ITSN1: variants seen among roughly 807,000 people sequenced by gnomAD.
ITSN1 encodes intersectin 1.
Under a neutral mutation model 239.8 loss-of-function variants are expected in ITSN1, and 58 were observed. The ratio of observed to expected loss-of-function variants is 0.24; its 90% CI spans 0.20 to 0.30. The LOEUF is 0.30. Among genes scored for constraint, ITSN1 ranks in the 10% least tolerant of loss-of-function variants. ITSN1 has a pLI of 1.00. For synonymous variants in ITSN1, 780 were observed against 770.8 expected (o/e 1.01, Z -0.20); for missense variants, 1,558 against 2,103.3 (o/e 0.74, Z 5.07).
intron 2 of ITSN1, among the ~76,000 whole-genome samples, chr21:33,720,810 T>G (rs552873346): frequency 6.6e-6 from 1 of 152,360 alleles, no homozygotes; most frequent in East Asian, 1.9e-4. Context: ...CTGTGGCATT[T>G]AAGGCACTTG....
rs190467279 is a variant in ITSN1, at chr21:33,778,830, G to A, written c.1597-2631G>A. Among the ~76,000 whole-genome samples, 248 of 140,832 alleles carry A rather than the reference G, an allele frequency of 1.8e-3. 7 individuals are homozygous for A. The East Asian group carries it at 0.036, about 21-fold the overall frequency. The allele number at this position is 140,832 out of a possible 152,430, so 92.4% of individuals were successfully genotyped here. ...CCTGACCTCGTGATCCGCCCGCCTC[G>A]GCCTCCCAAAGTGCTGGGATTACAG... On this transcript the variant is annotated intron_variant, in intron 14 of 39. Transcript: ENST00000381318.
intron 6 of ITSN1, among the ~76,000 whole-genome samples, chr21:33,750,776 G>A (rs911601961): frequency 4.6e-5 from 7 of 152,064 alleles, no homozygotes; most frequent in Admixed American, 2.6e-4. Flanking sequence ...ACTATTTTAT[G>A]GTATTACATG....
chr21:33,730,050 A>G (rs1017781985), intron 4 of ITSN1, among the ~76,000 whole-genome samples: 7 of 152,010 alleles, frequency 4.6e-5, no homozygotes, highest in African/African-American at 1.7e-4. Flanking sequence ...TCTTACGTGG[A>G]TATGTTAGTT....
At chr21:33,769,517 C>A (rs997909026) in intron 11 of ITSN1, among the ~76,000 whole-genome samples, 3 of 152,162 alleles carry the variant, frequency 2.0e-5, no homozygotes, top group Non-Finnish European at 4.4e-5. Context: ...TTTTATCTCT[C>A]ACCGTTCTGG....
In ITSN1 at chr21:33,712,500, A is replaced by G. The variant is rs140833782; in HGVS notation, c.-32-6297A>G. Among the ~76,000 whole-genome samples the G allele has an allele frequency of 2.3e-3, 352 of 152,296 alleles. 1 individual carries two copies. Among genetic ancestry groups the G allele is most frequent in the African/African-American group, 8.2e-3 (341 of 41,564 alleles). ...ATATCTCAGGTGTGAGCCTAAGACA[A>G]GCGGGAGTTAATTCACACAATGGCA... On this transcript the variant is annotated intron_variant, in intron 1 of 39. Coordinates refer to ENST00000381318, the MANE Select transcript of ITSN1 (RefSeq NM_003024.3).
chr21:33,668,309 C>T (rs887340641), intron 1 of ITSN1, among the ~76,000 whole-genome samples: 1 of 152,202 alleles, frequency 6.6e-6, no homozygotes, highest in Non-Finnish European at 1.5e-5. Flanking sequence ...AATTTGTCAA[C>T]CTCCCTAAGA....
intron 7 of ITSN1, among the ~76,000 whole-genome samples, chr21:33,753,741 G>C (rs1255661036): frequency 7.6e-6 from 1 of 130,930 alleles, no homozygotes; most frequent in African/African-American, 3.0e-5. Flanking sequence ...CAGCCTGGGT[G>C]ACACGGCAAG....
At chr21:33,670,288 G>A (rs761628922) in intron 1 of ITSN1, among the ~76,000 whole-genome samples, 39 of 152,132 alleles carry the variant, frequency 2.6e-4, no homozygotes, top group Non-Finnish European at 4.4e-4. Flanking sequence ...CCAGGAGTTG[G>A]AGGCTGGATT....
intron 1 of ITSN1, among the ~76,000 whole-genome samples, chr21:33,704,417 C>T (rs2092155392): frequency 6.6e-6 from 1 of 152,186 alleles, no homozygotes; most frequent in South Asian, 2.1e-4. Context: ...AGGCTAACTA[C>T]TTTGTGCCTC....
chr21:33,848,320 G>A (rs2075047291), intron 29 of ITSN1, among the ~76,000 whole-genome samples: 2 of 152,252 alleles, frequency 1.3e-5, no homozygotes, highest in South Asian at 2.1e-4. Context: ...CTGGAGATGT[G>A]CATGCACAGA....
rs1408030128 is a variant in ITSN1, at chr21:33,772,073, A to G, written c.1055A>G (p.Asp352Gly). The change falls in exon 12 of 40, where the codon GAT becomes GGT. Residue 352 changes from aspartate to glycine, a missense_variant. By Grantham distance (94) the Asp-to-Gly change is moderately conservative (BLOSUM62 -1). This residue lies in a region of ITSN1 where 982 missense variants were observed against 1,209.9 expected (regional missense o/e 0.81). Transcript: ENST00000381318. ...LEKKLPVTFE[D>G]KKRENFERGN... ...TCCTTGTCTGAAGTAACGTTTGAAG[A>G]TAAGAAGCGGGAGAACTTTGAACGT... 1.2e-6 allele frequency: 2 copies of G among 1,614,072 alleles called. No homozygotes were observed. The highest frequency in any genetic ancestry group is 1.7e-6 in the Non-Finnish European group (2 of 1,180,032).
intron 1 of ITSN1, among the ~76,000 whole-genome samples, chr21:33,711,709 TAGTA>T (rs971075427): frequency 6.6e-6 from 1 of 151,002 alleles, no homozygotes; most frequent in Non-Finnish European, 1.5e-5. Context: ...TTGCTCCAGG[TAGTA>T]AATATATTTA....
rs914648019 is a variant in ITSN1, at chr21:33,889,984, T to C, written c.*1684T>C. The C allele has an allele frequency of 1.3e-5, 2 of 152,240 alleles. No individual in the cohort carries two copies. The highest frequency in any genetic ancestry group is 4.8e-5 in the African/African-American group (2 of 41,460). The allele number at this position is 152,240 out of a possible 1,614,324, so 9.4% of individuals were successfully genotyped here. A position where few individuals can be genotyped will look rare whatever the true frequency, so the allele number is the denominator to read the frequency against. On this transcript the variant is annotated 3_prime_UTR_variant, in exon 40 of 40. Transcript: ENST00000381318. Reference sequence around the variant, plus strand: ...AATTTTGTATCAAGAACAACAGACATAAGTATTTTTTGAAACAAGCAAATA... The same window carrying C: ...AATTTTGTATCAAGAACAACAGACACAAGTATTTTTTGAAACAAGCAAATA...
At chr21:33,657,702 T>A (rs1211068688) in intron 1 of ITSN1, among the ~76,000 whole-genome samples, 1 of 152,178 alleles carries the variant, frequency 6.6e-6, no homozygotes, top group Non-Finnish European at 1.5e-5. Context: ...AATCCACATA[T>A]AAGCAGGGCT....
At chr21:33,711,007 G>A (rs542971543) in intron 1 of ITSN1, among the ~76,000 whole-genome samples, 1 of 151,580 alleles carries the variant, frequency 6.6e-6, no homozygotes. Flanking sequence ...TGGCCAGGAT[G>A]GTCTCGATCT....
intron 39 of ITSN1, among the ~76,000 whole-genome samples, chr21:33,887,374 A>C (rs144562178): frequency 6.6e-6 from 1 of 152,234 alleles, no homozygotes; most frequent in African/African-American, 2.4e-5. Context: ...ACTTAATTAT[A>C]ACCGAAGAAG....
intron 4 of ITSN1, among the ~76,000 whole-genome samples, chr21:33,731,287 G>C (rs983661324): frequency 6.6e-6 from 1 of 152,144 alleles, no homozygotes; most frequent in Non-Finnish European, 1.5e-5. Context: ...TCTCACCAGA[G>C]ACCATACTGG....
At chr21:33,649,153 A>G (rs994162589) in intron 1 of ITSN1, among the ~76,000 whole-genome samples, 5 of 152,188 alleles carry the variant, frequency 3.3e-5, no homozygotes, top group Non-Finnish European at 7.3e-5. Context: ...AGGTAGTTCC[A>G]TGTTGGCGAG....
At chr21:33,674,757 G>T (rs900360873) in intron 1 of ITSN1, among the ~76,000 whole-genome samples, 8 of 152,056 alleles carry the variant, frequency 5.3e-5, no homozygotes, top group Non-Finnish European at 1.0e-4. Context: ...TTTTATTATA[G>T]GAGTAATGCA....
Sources: gnomAD v4.1 joint callset for allele counts (sites outside exome capture counted in the v4.1 genomes callset) on GRCh38, gnomAD v4.1.1 for gene constraint, gnomAD v4.1.1 regional missense constraint, MANE v1.5 for transcripts, NCBI Gene and HGNC (gene_info 2026-07-23, HGNC 2026-07-21) for gene names.